Variants in LINGO2 observed in about 807,000 individuals in gnomAD.
LINGO2 encodes the protein leucine-rich repeat and immunoglobulin-like domain-containing nogo receptor-interacting protein 2.
In LINGO2, 14 loss-of-function variants were observed where a neutral mutation model predicts 30.6. That is an observed-to-expected ratio of 0.46 (90% CI 0.30 to 0.72). LINGO2 has a LOEUF of 0.72. Among genes scored for constraint, LINGO2 ranks in the 30% least tolerant of loss-of-function variants. The probability of loss-of-function intolerance (pLI) is 0.07; values close to 1 mark genes in which losing one functional copy is unlikely to be tolerated. For missense variants in LINGO2, 729 were observed against 751.7 expected (o/e 0.97, Z 0.35); for synonymous variants, 317 against 288.5 (o/e 1.10, Z -1.00).
the LINGO2 span, among the ~76,000 whole-genome samples, chr9:28,768,613 G>GACACGGAC: frequency 1.4e-5 from 2 of 144,410 alleles, no homozygotes; most frequent in African/African-American, 5.1e-5. Context: ...GACAGACTGG[G>GACACGGAC]ACACACACAC....
the LINGO2 span, among the ~76,000 whole-genome samples, chr9:28,892,486 T>A: frequency 1.3e-5 from 2 of 152,010 alleles, no homozygotes; most frequent in African/African-American, 4.8e-5. Context: ...TCTGACCAGC[T>A]ATAGCCACAT....
chr9:28,152,448 ACTGTGGGG>A (rs886997387), intron 4 of LINGO2, among the ~76,000 whole-genome samples: 30 of 152,254 alleles, frequency 2.0e-4, no homozygotes, highest in African/African-American at 7.0e-4. Context: ...AGACAGCAGA[ACTGTGGGG>A]CAGCCAACAA....
At chr9:28,214,979 TC>T (rs1820714991) in intron 4 of LINGO2, among the ~76,000 whole-genome samples, 1 of 151,730 alleles carries the variant, frequency 6.6e-6, no homozygotes. Context: ...TGTACATCCT[TC>T]TTGTTTTTTT....
the LINGO2 span, among the ~76,000 whole-genome samples, chr9:28,707,935 T>A: frequency 2.1e-4 from 32 of 152,042 alleles, no homozygotes; most frequent in African/African-American, 6.8e-4. Context: ...TCAGAAAAAC[T>A]GCAAGTGAAA....
the LINGO2 span, among the ~76,000 whole-genome samples, chr9:29,029,160 A>C: frequency 2.6e-5 from 4 of 152,076 alleles, no homozygotes; most frequent in Admixed American, 2.0e-4. Context: ...AGTTTTATCC[A>C]TCTTTGAACG....
intron 1 of LINGO2, among the ~76,000 whole-genome samples, chr9:28,531,463 A>G (rs1457625907): frequency 3.3e-5 from 5 of 152,114 alleles, no homozygotes; most frequent in Non-Finnish European, 5.9e-5. Flanking sequence ...ATGTTTAACA[A>G]TTTGCAACAT....
At chr9:28,877,718 T>C in the LINGO2 span, among the ~76,000 whole-genome samples, 7 of 152,196 alleles carry the variant, frequency 4.6e-5, no homozygotes, top group Non-Finnish European at 8.8e-5. Context: ...TGGCTTAGGA[T>C]TGACTTGGCA....
At chr9:28,902,929 T>C in the LINGO2 span, among the ~76,000 whole-genome samples, 1 of 151,330 alleles carries the variant, frequency 6.6e-6, no homozygotes. Context: ...AAATAAGAAA[T>C]ATATCAAATA....
the LINGO2 span, among the ~76,000 whole-genome samples, chr9:29,126,424 G>A: frequency 1.3e-5 from 2 of 152,038 alleles, no homozygotes; most frequent in African/African-American, 4.8e-5. Context: ...AATAATAAAT[G>A]TAACCTTATG....
intron 2 of LINGO2, among the ~76,000 whole-genome samples, chr9:28,397,893 T>C (rs1018172058): frequency 3.3e-5 from 5 of 152,150 alleles, no homozygotes; most frequent in African/African-American, 1.2e-4. Flanking sequence ...CAAATATGTA[T>C]TATTTGGCCA....
the LINGO2 span, among the ~76,000 whole-genome samples, chr9:28,732,516 A>G: frequency 6.6e-6 from 1 of 152,158 alleles, no homozygotes; most frequent in African/African-American, 2.4e-5. Flanking sequence ...ATACGATAAA[A>G]TTGATGATAA....
the LINGO2 span, among the ~76,000 whole-genome samples, chr9:29,017,700 G>A: frequency 2.6e-5 from 4 of 152,082 alleles, no homozygotes; most frequent in African/African-American, 4.8e-5. Flanking sequence ...GATCAGTGAG[G>A]AAGTCAGGAG....
At chr9:28,377,614 C>A (rs1587572860) in intron 2 of LINGO2, among the ~76,000 whole-genome samples, 1 of 152,132 alleles carries the variant, frequency 6.6e-6, no homozygotes. Context: ...CATGTACACA[C>A]ATGTCTATAT....
At chr9:28,934,010 A>T in the LINGO2 span, among the ~76,000 whole-genome samples, 633 of 152,308 alleles carry the variant, frequency 4.2e-3, 5 homozygotes, top group African/African-American at 0.014. Context: ...GGATGTGGGA[A>T]TCCTCTGTGG....
At chr9:28,444,977 G>C (rs2135038862) in intron 2 of LINGO2, among the ~76,000 whole-genome samples, 1 of 152,218 alleles carries the variant, frequency 6.6e-6, no homozygotes, top group African/African-American at 2.4e-5. Flanking sequence ...GTCTACAGAG[G>C]TTTCTGGCTG....
the LINGO2 span, among the ~76,000 whole-genome samples, chr9:29,148,710 A>G: frequency 6.6e-6 from 1 of 152,198 alleles, no homozygotes; most frequent in Non-Finnish European, 1.5e-5. Flanking sequence ...AAATACAGTG[A>G]CATTCATTCT....
chr9:28,677,267 A>C, the LINGO2 span, among the ~76,000 whole-genome samples: 15 of 152,276 alleles, frequency 9.9e-5, no homozygotes, highest in East Asian at 2.1e-3. Flanking sequence ...GATACCAATA[A>C]TGGCATTCGG....
At chr9:29,027,020 G>T in the LINGO2 span, among the ~76,000 whole-genome samples, 1 of 152,138 alleles carries the variant, frequency 6.6e-6, no homozygotes, top group East Asian at 1.9e-4. Context: ...CAGGATGTGA[G>T]ATTTCTCCAC....
intron 1 of LINGO2, among the ~76,000 whole-genome samples, chr9:28,550,982 G>T (rs1822249467): frequency 6.6e-6 from 1 of 151,794 alleles, no homozygotes; most frequent in Non-Finnish European, 1.5e-5. Context: ...AGGAGATCCA[G>T]CATGAATACA....
Sources: allele counts gnomAD v4.1 joint callset (sites outside exome capture counted in the v4.1 genomes callset), GRCh38; gene constraint gnomAD v4.1.1; transcripts MANE v1.5; gene names NCBI Gene and HGNC (gene_info 2026-07-23, HGNC 2026-07-21).